RBM33: variants seen among roughly 807,000 people sequenced by gnomAD.
The protein encoded by RBM33 is RNA binding motif protein 33.
A neutral mutation model predicts 132.6 loss-of-function variants in RBM33; 28 were observed. That is an observed-to-expected ratio of 0.21 (90% confidence interval 0.16 to 0.29). The LOEUF is 0.29. RBM33 is among the 10% of genes least tolerant of loss of function. RBM33 has a pLI of 1.00. For missense variants in RBM33, 1,291 were observed against 1,518.5 expected (o/e 0.85, Z 2.49); for synonymous variants, 634 against 593.0 (o/e 1.07, Z -1.01).
At chr7:155,773,106 T>C (rs903610424) in intron 16 of RBM33, among the ~76,000 whole-genome samples, 4 of 152,212 alleles carry the variant, frequency 2.6e-5, no homozygotes, top group Non-Finnish European at 5.9e-5. Flanking sequence ...TTTCAAGGGA[T>C]CATGTGCTGG....
At chr7:155,763,151 GCTT>G (rs1340658277) in intron 14 of RBM33, among the ~76,000 whole-genome samples, 1 of 152,208 alleles carries the variant, frequency 6.6e-6, no homozygotes, top group Non-Finnish European at 1.5e-5. Flanking sequence ...GAGTAAATGC[GCTT>G]CTTGGAAATC....
At chr7:155,656,516 C>T (rs1251616006) in intron 1 of RBM33, among the ~76,000 whole-genome samples, 6 of 151,954 alleles carry the variant, frequency 3.9e-5, no homozygotes, top group African/African-American at 1.5e-4. Flanking sequence ...TTTACAACTA[C>T]GTATTTATTT....
chr7:155,743,782 C>T (rs968323608), intron 13 of RBM33, among the ~76,000 whole-genome samples: 1 of 152,204 alleles, frequency 6.6e-6, no homozygotes, highest in East Asian at 1.9e-4. Context: ...TGGGAAATTC[C>T]GATGACTAGT....
intron 9 of RBM33, among the ~76,000 whole-genome samples, chr7:155,724,970 G>C (rs1461487148): frequency 2.7e-5 from 4 of 149,034 alleles, no homozygotes; most frequent in Non-Finnish European, 5.9e-5. Flanking sequence ...TAGAGTTGCT[G>C]TAAACATTTG....
Position 155,675,293 on chromosome 7 carries a change from C to CAA in RBM33, c.171+2399_171+2400dup, listed in dbSNP as rs71881256. Reference sequence around the variant, plus strand: ...TGGGAGACGGAGTGAGACTCCGTCTCAAAAAAAAAAAAAAAAAAAAAAGAA... The same window carrying CAA: ...TGGGAGACGGAGTGAGACTCCGTCTCAAAAAAAAAAAAAAAAAAAAAAAAGAA... On this transcript the variant is annotated intron_variant, in intron 3 of 17. Coordinates refer to ENST00000401878, the MANE Select transcript of RBM33 (RefSeq NM_053043.3). Among the ~76,000 whole-genome samples, 335 of 128,668 alleles carry CAA rather than the reference C, an allele frequency of 2.6e-3. 6 individuals carry two copies. The highest frequency in any genetic ancestry group is 5.8e-3 in the African/African-American group (186 of 32,290). 84.4% of individuals were successfully genotyped at this position (128,668 alleles called of 152,430 possible). A position where few individuals can be genotyped will look rare whatever the true frequency, so the allele number is the denominator to read the frequency against.
intron 9 of RBM33, among the ~76,000 whole-genome samples, 151 bp downstream of exon 9, chr7:155,718,594 A>C (rs933788741): frequency 6.6e-6 from 1 of 152,246 alleles, no homozygotes; most frequent in Non-Finnish European, 1.5e-5. Flanking sequence ...AATGTTTGTT[A>C]AAAGCTTAAG....
At chr7:155,713,322 G>A (rs1800360411) in intron 8 of RBM33, among the ~76,000 whole-genome samples, 1 of 152,078 alleles carries the variant, frequency 6.6e-6, no homozygotes, top group Admixed American at 6.5e-5. Context: ...GTGAATAGGT[G>A]GATTTAGACC....
chr7:155,729,381 T>C (rs376836485), intron 9 of RBM33, among the ~76,000 whole-genome samples: 1 of 152,150 alleles, frequency 6.6e-6, no homozygotes, highest in African/African-American at 2.4e-5. Flanking sequence ...AGCTGCAGGG[T>C]GAAGAAGCCA....
chr7:155,762,637 C>A (rs1338492808), intron 14 of RBM33, among the ~76,000 whole-genome samples: 1 of 152,166 alleles, frequency 6.6e-6, no homozygotes, highest in Non-Finnish European at 1.5e-5. Context: ...ATCCCATGTT[C>A]CTTCTTTTTG....
chr7:155,674,368 C>G (rs1273749352), intron 3 of RBM33, among the ~76,000 whole-genome samples: 2 of 152,106 alleles, frequency 1.3e-5, no homozygotes, highest in African/African-American at 4.8e-5. Context: ...GCATACTCTT[C>G]TAGGTGCTCT....
intron 6 of RBM33, among the ~76,000 whole-genome samples, chr7:155,706,108 C>T (rs1198138445): frequency 6.6e-6 from 1 of 152,190 alleles, no homozygotes; most frequent in Non-Finnish European, 1.5e-5. Context: ...CCATCGTATG[C>T]TATTAATAGC....
rs2117099117 is a variant in RBM33 at position 155,781,073 on chromosome 7, T to C, written c.*6032T>C. 6.5e-6 allele frequency: 1 copy of C among 152,882 alleles called. No homozygotes were observed. The highest frequency in any genetic ancestry group is 6.5e-5 in the Admixed American group (1 of 15,308). 9.5% of individuals were successfully genotyped at this position (152,882 alleles called of 1,614,324 possible). On this transcript the variant is annotated 3_prime_UTR_variant, in exon 18 of 18. Transcript: ENST00000401878. The stretch of plus-strand genomic sequence containing the variant: ...AGGTGGCGGCCGTCTGACCGTGTGT[T>C]ACTGCTTTGCCGACGGGGCCTCCCG...
rs114717964 is a variant in RBM33 at position 155,682,403 on chromosome 7, T to C, written c.567+1495T>C. On this transcript the variant is annotated intron_variant, in intron 5 of 17. Transcript: ENST00000401878. ...CCTTCGCTAATGTAGGCACGTGCCTTCTGCTTTACTGGTGTGTTTGTATGC... is the reference window on the plus strand; with the variant it reads ...CCTTCGCTAATGTAGGCACGTGCCTCCTGCTTTACTGGTGTGTTTGTATGC... Among the ~76,000 whole-genome samples, 966 of 152,346 alleles carry C rather than the reference T, an allele frequency of 6.3e-3. 17 individuals are homozygous for C. The highest frequency in any genetic ancestry group is 0.022 in the African/African-American group (898 of 41,582).
At chr7:155,744,002 T>A (rs993038297) in intron 13 of RBM33, among the ~76,000 whole-genome samples, 1 of 152,144 alleles carries the variant, frequency 6.6e-6, no homozygotes, top group Non-Finnish European at 1.5e-5. Context: ...AGAACAGAGG[T>A]GGTCGGAATT....
intron 14 of RBM33, among the ~76,000 whole-genome samples, chr7:155,746,923 G>A (rs1801536013): frequency 6.6e-6 from 1 of 152,198 alleles, no homozygotes; most frequent in South Asian, 2.1e-4. Flanking sequence ...AGGATGGTAG[G>A]ACATGTGATC....
chr7:155,658,410 C>T (rs745972218), intron 1 of RBM33, among the ~76,000 whole-genome samples: 13 of 125,902 alleles, frequency 1.0e-4, no homozygotes, highest in African/African-American at 1.9e-4. Context: ...TTTTTTGAGA[C>T]GGAGTGTCTC....
intron 14 of RBM33, among the ~76,000 whole-genome samples, chr7:155,748,910 T>C (rs1197882245): frequency 6.6e-6 from 1 of 152,222 alleles, no homozygotes. Flanking sequence ...GAAAAGTGAC[T>C]ATGCAGATTC....
Position 155,675,200 on chromosome 7 carries a change from G to C in RBM33, c.171+2285G>C, listed in dbSNP as rs1336306140. On this transcript the variant is annotated intron_variant, in intron 3 of 17. Coordinates refer to ENST00000401878, the MANE Select transcript of RBM33 (RefSeq NM_053043.3). ...CATGAACCTGAAATCCCAGTTACTC[G>C]GGAGGTTTACTTGAACCTGGGAGGC... Among the ~76,000 whole-genome samples, 3 of 151,284 alleles carry C rather than the reference G, an allele frequency of 2.0e-5. No homozygotes were observed. In the South Asian group the frequency reaches 6.2e-4, roughly 31 times the overall value.
intron 1 of RBM33, among the ~76,000 whole-genome samples, chr7:155,663,576 G>A (rs929855485): frequency 2.6e-5 from 4 of 152,102 alleles, no homozygotes; most frequent in Admixed American, 6.5e-5. Context: ...GGACCCCAAC[G>A]CCTCCCACCA....
Sources: gnomAD v4.1 joint callset for allele counts (sites outside exome capture counted in the v4.1 genomes callset) on GRCh38, gnomAD v4.1.1 for gene constraint, MANE v1.5 for transcripts, NCBI Gene and HGNC (gene_info 2026-07-23, HGNC 2026-07-21) for gene names.